Variants in C13orf42 observed in about 807,000 individuals in gnomAD.
C13orf42 encodes chromosome 13 open reading frame 42, also known as uncharacterized protein C13orf42.
chr13:51,139,390 G>C (rs1010611454), intron 1 of C13orf42, among the ~76,000 whole-genome samples: 1 of 152,092 alleles, frequency 6.6e-6, no homozygotes, highest in African/African-American at 2.4e-5. Context: ...GGGGAGATGA[G>C]GAAAAGAAGA....
At chr13:51,101,375 A>C (rs978748012) in intron 1 of C13orf42, among the ~76,000 whole-genome samples, 3 of 152,198 alleles carry the variant, frequency 2.0e-5, no homozygotes, top group South Asian at 2.1e-4. Context: ...TCATCTTATA[A>C]GCAAATATAA....
chr13:51,138,444 T>C (rs951135843), intron 1 of C13orf42, among the ~76,000 whole-genome samples: 4 of 152,014 alleles, frequency 2.6e-5, no homozygotes, highest in Non-Finnish European at 2.9e-5. Context: ...AAAGAAGACA[T>C]GCATATGACC....
At chr13:51,145,947 T>A (rs532251524) in intron 1 of C13orf42, among the ~76,000 whole-genome samples, 1 of 152,272 alleles carries the variant, frequency 6.6e-6, no homozygotes, top group East Asian at 1.9e-4. Context: ...CACGAGCAAG[T>A]TCTCAACCTT....
intron 1 of C13orf42, among the ~76,000 whole-genome samples, chr13:51,146,633 G>A (rs184661634): frequency 6.6e-6 from 1 of 152,146 alleles, no homozygotes; most frequent in East Asian, 1.9e-4. Flanking sequence ...TGAAGCAAAG[G>A]ACTCACAGTG....
chr13:51,123,901 G>C (rs1216732834), intron 1 of C13orf42, among the ~76,000 whole-genome samples: 1 of 152,124 alleles, frequency 6.6e-6, no homozygotes, highest in Non-Finnish European at 1.5e-5. Flanking sequence ...TTAGTTTATA[G>C]TTTAAAGCTA....
At chr13:51,107,992 T>C (rs879722399) in intron 1 of C13orf42, among the ~76,000 whole-genome samples, 1 of 152,164 alleles carries the variant, frequency 6.6e-6, no homozygotes, top group Non-Finnish European at 1.5e-5. Context: ...ATCTCACAGT[T>C]CTGGAGGCCA....
intron 1 of C13orf42, among the ~76,000 whole-genome samples, chr13:51,120,582 T>A (rs750026086): frequency 3.3e-5 from 5 of 152,210 alleles, no homozygotes; most frequent in Non-Finnish European, 7.3e-5. Context: ...TTTCCACCAC[T>A]TCCCACCTTC....
chr13:51,158,046 C>T (rs1953837794), intron 1 of C13orf42, among the ~76,000 whole-genome samples: 1 of 152,230 alleles, frequency 6.6e-6, no homozygotes, highest in Admixed American at 6.5e-5. Flanking sequence ...ACATTATTCC[C>T]AGGCCTTACA....
At chr13:51,115,025 A>T (rs1342383126), upstream of C13orf42, among the ~76,000 whole-genome samples, 1 of 152,194 alleles carries the variant, frequency 6.6e-6, no homozygotes, top group Non-Finnish European at 1.5e-5. Flanking sequence ...AAAACAACAA[A>T]AATAAATGAG....
At chr13:51,104,280 TG>T (rs1480562165) in intron 1 of C13orf42, among the ~76,000 whole-genome samples, 1 of 152,236 alleles carries the variant, frequency 6.6e-6, no homozygotes, top group Admixed American at 6.5e-5. Context: ...GAAAAGCTCA[TG>T]GGAGACTAGT....
intron 1 of C13orf42, among the ~76,000 whole-genome samples, chr13:51,104,428 C>T (rs9568514): frequency 0.11 from 16,665 of 152,072 alleles, 1,118 homozygotes; most frequent in African/African-American, 0.19. Flanking sequence ...GGCTCACACC[C>T]GTAATCCCAG....
intron 1 of C13orf42, among the ~76,000 whole-genome samples, chr13:51,162,864 C>CCA (rs1436194742): frequency 6.6e-6 from 1 of 152,080 alleles, no homozygotes; most frequent in Non-Finnish European, 1.5e-5. Context: ...TGGGTAGATC[C>CCA]CACACTTTAA....
At chr13:51,090,828 T>G (rs558934883) in intron 1 of C13orf42, among the ~76,000 whole-genome samples, 3 of 152,248 alleles carry the variant, frequency 2.0e-5, no homozygotes, top group South Asian at 4.1e-4. Context: ...TTGTTGTGAA[T>G]CTCCTGAATC....
At chr13:51,121,882 A>G (rs1273426479) in intron 1 of C13orf42, among the ~76,000 whole-genome samples, 3 of 152,244 alleles carry the variant, frequency 2.0e-5, no homozygotes, top group Non-Finnish European at 4.4e-5. Context: ...TTACACTTGT[A>G]TAATGGAACA....
chr13:51,168,733 C>T (rs981760041), intron 1 of C13orf42, among the ~76,000 whole-genome samples: 2 of 152,164 alleles, frequency 1.3e-5, no homozygotes, highest in African/African-American at 4.8e-5. Context: ...AAATGGTAAT[C>T]CCCAATGTTG....
intron 1 of C13orf42, among the ~76,000 whole-genome samples, chr13:51,160,116 C>G (rs1286878941): frequency 3.9e-5 from 6 of 152,314 alleles, no homozygotes; most frequent in Non-Finnish European, 8.8e-5. Flanking sequence ...ATGTGAGATA[C>G]AATTCAAGTT....
intron 1 of C13orf42, among the ~76,000 whole-genome samples, chr13:51,155,401 C>T (rs904497451): frequency 2.0e-5 from 3 of 152,230 alleles, no homozygotes; most frequent in Non-Finnish European, 4.4e-5. Context: ...TCAAGAAAGG[C>T]TTCCAAGAAA....
Position 51,140,620 on chromosome 13 carries a change from G to A in C13orf42, n.137-27398C>T, listed in dbSNP as rs530718867. Among the ~76,000 whole-genome samples the A allele has an allele frequency of 1.1e-4, 17 of 152,172 alleles. No individual in the cohort carries two copies. In the South Asian group the frequency reaches 3.5e-3, roughly 32 times the overall value. On this transcript the variant is annotated intron_variant and non_coding_transcript_variant, in intron 1 of 4. Transcript: ENST00000433280. ...GAGAATCCCTGTTCTCCCAAAATTA[G>A]GTTGAGATCTAAAGTTTATTTTGCT...
At chr13:51,167,679 C>G (rs1303538646) in intron 1 of C13orf42, among the ~76,000 whole-genome samples, 1 of 152,154 alleles carries the variant, frequency 6.6e-6, no homozygotes, top group Non-Finnish European at 1.5e-5. Flanking sequence ...ATTCCATTTT[C>G]ATGATTTAAA....
Sources: allele counts gnomAD v4.1 joint callset (sites outside exome capture counted in the v4.1 genomes callset), GRCh38; gene constraint gnomAD v4.1.1; transcripts MANE v1.5; gene names NCBI Gene and HGNC (gene_info 2026-07-23, HGNC 2026-07-21).